The following SPAST variants were observed in gnomAD, a reference collection of about 807,000 sequenced individuals.
SPAST encodes spastin, also known as spastic paraplegia 4 (autosomal dominant; spastin).
SPAST carries 30 observed loss-of-function variants against 76.6 expected under a neutral mutation model. The ratio of observed to expected loss-of-function variants is 0.39; its 90% CI spans 0.29 to 0.53. The LOEUF (loss-of-function observed/expected upper bound fraction) is 0.53, where lower values mean the gene tolerates loss of function less well. Among genes scored for constraint, SPAST ranks in the 20% least tolerant of loss-of-function variants. The pLI is 0.68. For missense variants in SPAST, 717 were observed against 770.5 expected, an observed-to-expected ratio of 0.93 and a Z score of 0.82; for synonymous variants, 305 against 281.0, an observed-to-expected ratio of 1.09 and a Z score of -0.86.
At chr2:32,079,620 G>A (rs1267362119) in intron 1 of SPAST, among the ~76,000 whole-genome samples, 2 of 113,916 alleles carry the variant, frequency 1.8e-5, no homozygotes, top group Admixed American at 1.8e-4. Context: ...GAGTGCAGTA[G>A]CACAATCAAC....
intron 7 of SPAST, among the ~76,000 whole-genome samples, chr2:32,120,650 A>T (rs1018556208): frequency 6.9e-6 from 1 of 144,128 alleles, no homozygotes; most frequent in African/African-American, 2.6e-5. Context: ...AATGCTTTCC[A>T]TGCCTGTGTC....
rs187275898 is a variant in SPAST at position 32,129,912 on chromosome 2, T to A, written c.1245+1433T>A. ...TACTCAGGAAGCTGAGGCGAGAGGA[T>A]CTCTTGAGCCTGAGAGGTTGAGGCT... On this transcript the variant is annotated intron_variant, in intron 9 of 16. Transcript: ENST00000315285. 317 of 152,628 alleles carry A rather than the reference T, an allele frequency of 2.1e-3. 1 individual carries two copies. Among genetic ancestry groups the A allele is most frequent in the Non-Finnish European group, 3.6e-3 (247 of 68,426 alleles). 9.5% of individuals were successfully genotyped at this position (152,628 alleles called of 1,614,324 possible). A position where few individuals can be genotyped will look rare whatever the true frequency, so the allele number is the denominator to read the frequency against.
intron 1 of SPAST, among the ~76,000 whole-genome samples, chr2:32,064,476 C>T (rs1676430475): frequency 6.6e-6 from 1 of 152,188 alleles, no homozygotes; most frequent in African/African-American, 2.4e-5. Context: ...AGACACCAGC[C>T]TTCCCCCACA....
intron 16 of SPAST, among the ~76,000 whole-genome samples, chr2:32,151,771 G>A (rs949825329): frequency 2.0e-5 from 3 of 152,058 alleles, no homozygotes; most frequent in Non-Finnish European, 2.9e-5. Flanking sequence ...TTAGCCGGGC[G>A]TGGTGGCACA....
chr2:32,085,170 T>TAACA lies in SPAST; in HGVS notation c.416-2318_416-2315dup, dbSNP rs775414622. Among the ~76,000 whole-genome samples the TAACA allele has an allele frequency of 6.8e-4, 103 of 150,534 alleles. 1 individual carries two copies. Among genetic ancestry groups the TAACA allele is most frequent in the Non-Finnish European group, 9.9e-4 (67 of 67,674 alleles). On this transcript the variant is annotated intron_variant, in intron 1 of 16. Transcript: ENST00000315285. ...CATCCAAATAATTTTAGTTAATTTATAACAAACTCTTAATAATTTCTTTTT... is the reference window on the plus strand; with the variant it reads ...CATCCAAATAATTTTAGTTAATTTATAACAAACAAACTCTTAATAATTTCTTTTT...
In SPAST at chr2:32,081,781, C is replaced by CAAAAA. The variant is rs34078147; in HGVS notation, c.416-5692_416-5688dup. ...CCTGGGCGACAGAGTGAGACACTGT[C>CAAAAA]AAAAAAAAAAAAAAAAAAAAAAAGG... On this transcript the variant is annotated intron_variant, in intron 1 of 16. Transcript: ENST00000315285. Among the ~76,000 whole-genome samples, 30 of 44,354 alleles carry CAAAAA rather than the reference C, an allele frequency of 6.8e-4. 1 individual carries two copies. Among genetic ancestry groups the CAAAAA allele is most frequent in the African/African-American group, 1.6e-3 (19 of 11,930 alleles). The allele number at this position is 44,354 out of a possible 152,430, so 29.1% of individuals were successfully genotyped here.
intron 3 of SPAST, among the ~76,000 whole-genome samples, chr2:32,096,664 ATTTC>A (rs1438430476): frequency 2.6e-5 from 4 of 152,066 alleles, no homozygotes; most frequent in African/African-American, 9.7e-5. Flanking sequence ...TAAGAATATA[ATTTC>A]TTTCTTTTTA....
Position 32,098,893 on chromosome 2 carries a change from T to G in SPAST, c.682+2T>G. On this transcript the variant is annotated splice_donor_variant, in intron 4 of 16. Transcript: ENST00000315285. LOFTEE classifies it high-confidence loss of function. ...GCCGCAATGGACATCTCCAGTCAGG[T>G]GGGTTTAGGTTAACTAACATAAAAT... The G allele has an allele frequency of 6.3e-7, 1 of 1,598,898 alleles. No homozygotes were observed. Among genetic ancestry groups the G allele is most frequent in the Non-Finnish European group, 8.6e-7 (1 of 1,166,152 alleles).
chr2:32,145,642 C>A (rs1679861224), intron 15 of SPAST, among the ~76,000 whole-genome samples: 2 of 134,756 alleles, frequency 1.5e-5, no homozygotes, highest in African/African-American at 5.5e-5. Flanking sequence ...GAGAAGTTTT[C>A]ACTTTTTTAA....
intron 7 of SPAST, among the ~76,000 whole-genome samples, chr2:32,121,219 C>G (rs932142281): frequency 6.6e-6 from 1 of 152,142 alleles, no homozygotes; most frequent in South Asian, 2.1e-4. Context: ...GTGGTGCAAC[C>G]TCAGCTCACT....
chr2:32,117,792 A>C (rs967091561), intron 7 of SPAST, among the ~76,000 whole-genome samples: 2 of 152,156 alleles, frequency 1.3e-5, no homozygotes, highest in Non-Finnish European at 2.9e-5. Context: ...TTGGCTTCCC[A>C]AAGTGCTGGG....
chr2:32,144,376 T>A (rs1466646919), intron 14 of SPAST, among the ~76,000 whole-genome samples: 1 of 152,210 alleles, frequency 6.6e-6, no homozygotes, highest in African/African-American at 2.4e-5. Context: ...CCAGGTGACA[T>A]GTTTACAATT....
chr2:32,132,718 G>GA (rs1369637640), intron 9 of SPAST, among the ~76,000 whole-genome samples: 1 of 152,004 alleles, frequency 6.6e-6, no homozygotes, highest in Non-Finnish European at 1.5e-5. Context: ...ACTTAAAAAG[G>GA]AAGCATTGTG....
At chr2:32,101,116 G>A (rs1678103913) in intron 4 of SPAST, among the ~76,000 whole-genome samples, 1 of 152,138 alleles carries the variant, frequency 6.6e-6, no homozygotes, top group Admixed American at 6.6e-5. Flanking sequence ...ATCCTCTCCA[G>A]CACCTGTTGT....
intron 9 of SPAST, among the ~76,000 whole-genome samples, chr2:32,136,253 C>G (rs1431534536): frequency 6.6e-6 from 1 of 152,040 alleles, no homozygotes; most frequent in East Asian, 1.9e-4. Context: ...TTTTCTCTCC[C>G]CTAGTCTTCC....
chr2:32,138,193 G>T (rs531385780), intron 12 of SPAST, among the ~76,000 whole-genome samples: 2 of 152,132 alleles, frequency 1.3e-5, no homozygotes, highest in South Asian at 2.1e-4. Context: ...GGGATTTCAG[G>T]GTCAAAGGTA....
chr2:32,136,840 G>T, intron 10 of SPAST, 37 bp from the exon 11 acceptor site: 1 of 1,512,538 alleles, frequency 6.6e-7, no homozygotes, highest in South Asian at 1.1e-5. Context: ...ACATAGCTTG[G>T]TCTTTAATTA....
rs1329992445 is a variant in SPAST at position 32,110,272 on chromosome 2, C to G, written c.683-4366C>G. On this transcript the variant is annotated intron_variant, in intron 4 of 16. Transcript: ENST00000315285. ...TACCTGGGATTACAGGCACGTGGCA[C>G]CACGCCAGGCTAATTTTTTGTATCT... 3.4e-5 allele frequency among the ~76,000 whole-genome samples: 5 copies of G among 149,096 alleles called. 1 individual carries two copies. Among genetic ancestry groups the G allele is most frequent in the African/African-American group, 7.3e-5 (3 of 40,826 alleles).
rs772264376 is a variant in SPAST, at chr2:32,141,983, C to T, written c.1536+37C>T. 4.6e-6 allele frequency: 7 copies of T among 1,512,092 alleles called. No homozygotes were observed. In the South Asian group the frequency reaches 6.8e-5, roughly 15 times the overall value. The allele number at this position is 1,512,092 out of a possible 1,614,324, so 93.7% of individuals were successfully genotyped here. ...TGTTTGAATTTTTTTTGTTTTAGAG[C>T]AGAAACAAGAACTACCATCTTGACA... is the stretch of plus-strand genomic sequence containing the variant. On this transcript the variant is annotated intron_variant, in intron 13 of 16. Coordinates refer to ENST00000315285, the MANE Select transcript of SPAST (RefSeq NM_014946.4).
Sources: gnomAD v4.1 joint callset for allele counts (sites outside exome capture counted in the v4.1 genomes callset) on GRCh38, gnomAD v4.1.1 for gene constraint, MANE v1.5 for transcripts, NCBI Gene and HGNC (gene_info 2026-07-23, HGNC 2026-07-21) for gene names.